APOB: variants seen among roughly 807,000 people sequenced by gnomAD.
APOB encodes the protein apolipoprotein B-100.
APOB carries 153 observed loss-of-function variants against 314.1 expected under a neutral mutation model. That is an observed-to-expected ratio of 0.49 (90% CI 0.43 to 0.56). APOB has a LOEUF of 0.56. Among genes scored for constraint, APOB ranks in the 20% least tolerant of loss-of-function variants. APOB has a pLI of 0.00. For missense variants in APOB, 5,430 were observed against 5,350.7 expected, an observed-to-expected ratio of 1.01 and a Z score of -0.46; for synonymous variants, 2,087 against 2,036.4, an observed-to-expected ratio of 1.02 and a Z score of -0.67.
At position 21,039,254 on chromosome 2, in the gene APOB, A is replaced by T. The variant is rs118103669; in HGVS notation, c.384-1143T>A. On this transcript the variant is annotated intron_variant, in intron 4 of 28. Coordinates refer to ENST00000233242, the MANE Select transcript of APOB (RefSeq NM_000384.3). Reference sequence around the variant, plus strand: ...TGGCCTGCCAGCAACAGGTGCTATCACTGTTTTCCAGTTTTGCAGTATGAT... The same window carrying T: ...TGGCCTGCCAGCAACAGGTGCTATCTCTGTTTTCCAGTTTTGCAGTATGAT... Among the ~76,000 whole-genome samples the T allele has an allele frequency of 2.3e-3, 357 of 152,362 alleles. 11 individuals are homozygous for T. The East Asian group carries it at 0.059, about 25-fold the overall frequency.
In APOB at chr2:21,024,867, T is replaced by C. The variant is rs754671721; in HGVS notation, c.2436+66A>G. The C allele has an allele frequency of 3.2e-6, 5 of 1,543,200 alleles. No individual in the cohort carries two copies. In the East Asian group the frequency reaches 1.1e-4, roughly 35 times the overall value. On this transcript the variant is annotated intron_variant, in intron 16 of 28. Transcript: ENST00000233242. Reference sequence around the variant, plus strand: ...TTGTGCAGCTGGGATCGTAAGGGAGTCTGGGCGATCTAAAAAAAAACCAAC... The same window carrying C: ...TTGTGCAGCTGGGATCGTAAGGGAGCCTGGGCGATCTAAAAAAAAACCAAC...
At chr2:21,042,321 G>A (rs552744296) in intron 3 of APOB, 40 bp downstream of exon 3, 3 of 1,517,706 alleles carry the variant, frequency 2.0e-6, no homozygotes, top group South Asian at 2.2e-5. Context: ...CTGGGGGAAA[G>A]CTGTGGGCTC....
chr2:21,007,847 C>G lies in APOB; in HGVS notation c.9021G>C (p.Met3007Ile). ...CTGCCTTCCCTTCTCCAAACAGTGCCATGCCTTTAGCAGTTAGAACACTGT... is the reference window on the plus strand; with the variant it reads ...CTGCCTTCCCTTCTCCAAACAGTGCGATGCCTTTAGCAGTTAGAACACTGT... ...VGHSVLTAKG[M>I]ALFGEGKAEF... The change falls in exon 26 of 29, where the codon ATG (methionine) becomes ATC (isoleucine). Residue 3007 changes from methionine (M) to isoleucine (I), a missense_variant. Coordinates refer to ENST00000233242, the MANE Select transcript of APOB (RefSeq NM_000384.3). 6.2e-7 allele frequency: 1 copy of G among 1,614,070 alleles called. No homozygotes were observed. The highest frequency in any genetic ancestry group is 1.3e-5 in the African/African-American group (1 of 75,046).
chr2:21,016,375 A>G, intron 21 of APOB, 64 bp downstream of exon 21: 1 of 849,856 alleles, frequency 1.2e-6, no homozygotes, highest in Non-Finnish European at 2.0e-6. Flanking sequence ...GAAGTGGAAG[A>G]GGAATAATGA....
chr2:21,006,615 G>A lies in APOB; in HGVS notation c.10253C>T (p.Thr3418Met), dbSNP rs765298217. Residue 3418 changes from threonine to methionine, a missense_variant, in exon 26 of 29, where the codon ACG becomes ATG. Physicochemically the swap from Thr to Met is moderately conservative, Grantham distance 81. Coordinates refer to ENST00000233242, the MANE Select transcript of APOB (RefSeq NM_000384.3). The stretch of plus-strand genomic sequence containing the variant: ...TGCCACTGACACTTCCATATTTTTC[G>A]TGGTTAAGCTCACAGTACTGTTATG... ...GSHNSTVSLT[T>M]KNMEVSVATT... is the part of the protein sequence containing the mutation. 5.2e-5 allele frequency: 84 copies of A among 1,613,786 alleles called. No individual in the cohort carries two copies. Among genetic ancestry groups the A allele is most frequent in the East Asian group, 2.0e-4 (9 of 44,884 alleles).
At chr2:21,034,967 G>A (rs1558575003) in intron 7 of APOB, 66 bp from the exon 8 acceptor site, 2 of 862,932 alleles carry the variant, frequency 2.3e-6, no homozygotes, top group African/African-American at 1.7e-5. Flanking sequence ...CATGTTGAAG[G>A]TTTTCCCTGT....
At position 21,019,720 on chromosome 2, in the gene APOB, A is replaced by C. The variant is rs755811413; in HGVS notation, c.2999+3T>G. 6.2e-7 allele frequency: 1 copy of C among 1,613,948 alleles called. No homozygotes were observed. The highest frequency in any genetic ancestry group is 2.2e-5 in the East Asian group (1 of 44,868). On this transcript the variant is annotated splice_donor_region_variant and intron_variant, in intron 19 of 28. Transcript: ENST00000233242. ...GCTGGGTCAGGCACTGAGCATCTCTAACCTGGTGTCCCCGGTCAGCGGATA... is the reference window on the plus strand; with the variant it reads ...GCTGGGTCAGGCACTGAGCATCTCTCACCTGGTGTCCCCGGTCAGCGGATA...
intron 5 of APOB, 33 bp from the exon 6 acceptor site, chr2:21,037,288 C>A: frequency 6.3e-7 from 1 of 1,598,776 alleles, no homozygotes; most frequent in South Asian, 1.1e-5. Context: ...CACATGTATT[C>A]AACACGGGCA....
intron 21 of APOB, among the ~76,000 whole-genome samples, chr2:21,016,078 A>C (rs893943196): frequency 2.0e-5 from 3 of 152,186 alleles, no homozygotes; most frequent in Non-Finnish European, 4.4e-5. Context: ...TCACGAGGTC[A>C]GGAGATCGAG....
chr2:21,014,543 C>G lies in APOB; in HGVS notation c.3747G>C (p.Gln1249His), dbSNP rs1663416991. 6.2e-7 allele frequency: 1 copy of G among 1,614,076 alleles called. No homozygotes were observed. The highest frequency in any genetic ancestry group is 8.5e-7 in the Non-Finnish European group (1 of 1,180,004). The change falls in exon 24 of 29, where the codon CAG becomes CAC. Residue 1249 changes from glutamine (Q) to histidine (H), a missense_variant. By Grantham distance (24) the Gln-to-His change is conservative. Around this residue, in one of 3 missense-constraint regions of APOB, gnomAD observed 2,085 missense variants for 2,079.7 expected, o/e 1.00. Coordinates refer to ENST00000233242, the MANE Select transcript of APOB (RefSeq NM_000384.3). ...QKASGSLPYT[Q>H]TLQDHLNSLK... ...GGCTATTGAGGTGGTCTTGCAAAGT[C>G]TGGGTATAAGGAAGACTCCCAGATG...
Position 21,028,081 on chromosome 2 carries a change from T to G in APOB, c.1830-16A>C. 6.4e-7 allele frequency: 1 copy of G among 1,553,622 alleles called. No individual in the cohort carries two copies. Among genetic ancestry groups the G allele is most frequent in the Non-Finnish European group, 8.9e-7 (1 of 1,124,858 alleles). On this transcript the variant is annotated splice_polypyrimidine_tract_variant and intron_variant, in intron 13 of 28. Transcript: ENST00000233242. ...CTTTTTCAGACTAGATAAGAAGAAG[T>G]ATATTTTGAGCTGACACACCATGTT...
Position 21,010,877 on chromosome 2 carries a change from A to G in APOB, c.5991T>C (p.Asp1997=), listed in dbSNP as rs768045701. 3.7e-6 allele frequency: 6 copies of G among 1,614,020 alleles called. No homozygotes were observed. In the South Asian group the frequency reaches 5.5e-5, roughly 15 times the overall value. The change falls in exon 26 of 29, where the codon GAT becomes GAC. Residue 1997 remains aspartate, a synonymous_variant. Transcript: ENST00000233242. The stretch of plus-strand genomic sequence containing the variant: ...CAATTTTATCTTTAGTGTTGTAAGC[A>G]TCCAAGTCCTGGCTGTATTCATTGT... ...FNNNEYSQDL[D]AYNTKDKIGV...
chr2:21,027,357 G>C (rs956338946), intron 14 of APOB, among the ~76,000 whole-genome samples: 1 of 133,620 alleles, frequency 7.5e-6, no homozygotes, highest in Non-Finnish European at 1.6e-5. Flanking sequence ...TGTCGCCCAG[G>C]CTGGAGCGCA....
At chr2:21,029,029 A>T (rs184739263) in intron 12 of APOB, among the ~76,000 whole-genome samples, 1 of 152,352 alleles carries the variant, frequency 6.6e-6, no homozygotes, top group Admixed American at 6.5e-5. Flanking sequence ...TCAATCTGGT[A>T]GGTGGACGGT....
rs2103357378 is a variant in APOB, at chr2:21,010,703, A to C, written c.6165T>G (p.Val2055=). 10 of 1,614,082 alleles carry C rather than the reference A, an allele frequency of 6.2e-6. No homozygotes were observed. The highest frequency in any genetic ancestry group is 8.5e-6 in the Non-Finnish European group (10 of 1,179,960). Residue 2055 remains valine (V), a synonymous_variant, in exon 26 of 29, where the codon GTT becomes GTG. Coordinates refer to ENST00000233242, the MANE Select transcript of APOB (RefSeq NM_000384.3). ...GGTTTTTATCATACTTTACAAAAGC[A>C]ACAATTGTAAATTCTTGGGGCTTCT... ...AVEKPQEFTI[V]AFVKYDKNQD...
intron 18 of APOB, among the ~76,000 whole-genome samples, chr2:21,020,284 T>G (rs1315541604): frequency 2.6e-5 from 4 of 152,162 alleles, no homozygotes; most frequent in African/African-American, 9.7e-5. Context: ...ATATGAAATC[T>G]CCTACTCTCT....
Position 21,002,481 on chromosome 2 carries a change from A to G in APOB, c.12941T>C (p.Ile4314Thr). The G allele has an allele frequency of 6.2e-7, 1 of 1,611,092 alleles. No homozygotes were observed. Among genetic ancestry groups the G allele is most frequent in the Non-Finnish European group, 8.5e-7 (1 of 1,177,706 alleles). ...QFIFQLIEDNIKQLKEMKFTY... is the reference protein window; with the variant it reads ...QFIFQLIEDNTKQLKEMKFTY... ...AAATTTCATCTCTTTCAGCTGTTTA[A>G]TGTTATCTTCTATTAGTTGGAAAAT... The change falls in exon 29 of 29, where the codon ATT (isoleucine) becomes ACT (threonine). Residue 4314 changes from isoleucine to threonine, a missense_variant. Physicochemically the swap from Ile to Thr is moderately conservative, Grantham distance 89 (BLOSUM62 -1). This residue lies in a region of APOB where 3,281 missense variants were observed against 3,171.0 expected (regional missense o/e 1.03). Transcript: ENST00000233242.
chr2:21,018,069 G>T (rs1663520012), intron 20 of APOB, among the ~76,000 whole-genome samples: 4 of 151,934 alleles, frequency 2.6e-5, no homozygotes, highest in Admixed American at 2.6e-4. Context: ...AGTTGCCCGG[G>T]CCAAAAACCT....
At chr2:21,041,156 T>A in intron 3 of APOB, 73 bp from the exon 4 acceptor site, 1 of 1,487,968 alleles carries the variant, frequency 6.7e-7, no homozygotes, top group Non-Finnish European at 9.2e-7. Flanking sequence ...GCCCAGGGCT[T>A]AATCTCTAAT....
Sources: gnomAD v4.1 joint callset for allele counts (sites outside exome capture counted in the v4.1 genomes callset) on GRCh38, gnomAD v4.1.1 for gene constraint, gnomAD v4.1.1 regional missense constraint, MANE v1.5 for transcripts, NCBI Gene and HGNC (gene_info 2026-07-23, HGNC 2026-07-21) for gene names.